Variants in WDR7 observed in about 807,000 individuals in gnomAD.
The protein encoded by WDR7 is WD repeat domain 7.
In WDR7, 46 loss-of-function variants were observed where a neutral mutation model predicts 169.4. The observed-to-expected ratio is 0.27, with a 90% CI of 0.21 to 0.35. The LOEUF is 0.35. Among genes scored for constraint, WDR7 ranks in the 10% least tolerant of loss-of-function variants. The probability of loss-of-function intolerance (pLI) is 1.00; values close to 1 mark genes in which losing one functional copy is unlikely to be tolerated. For missense variants in WDR7, 1,534 were observed against 1,859.3 expected, an observed-to-expected ratio of 0.83 and a Z score of 3.22; for synonymous variants, 612 against 666.8, an observed-to-expected ratio of 0.92 and a Z score of 1.27.
intron 21 of WDR7, among the ~76,000 whole-genome samples, chr18:56,904,115 G>C (rs1045951128): frequency 2.5e-4 from 38 of 151,754 alleles, no homozygotes; most frequent in Admixed American, 6.6e-4. Flanking sequence ...AGTTGCCCAG[G>C]ATGGAGTGCA....
intron 12 of WDR7, among the ~76,000 whole-genome samples, chr18:56,704,334 C>G (rs2025900514): frequency 6.7e-6 from 1 of 150,146 alleles, no homozygotes; most frequent in Non-Finnish European, 1.5e-5. Flanking sequence ...GCCAGGAGTT[C>G]AAGACCAGCC....
At chr18:56,750,455 C>T (rs1162746997) in intron 14 of WDR7, among the ~76,000 whole-genome samples, 1 of 152,154 alleles carries the variant, frequency 6.6e-6, no homozygotes, top group African/African-American at 2.4e-5. Flanking sequence ...TGGCTTTCTT[C>T]ATAAGGACAG....
intron 25 of WDR7, among the ~76,000 whole-genome samples, chr18:56,953,282 G>A (rs1283849703): frequency 1.3e-5 from 2 of 152,132 alleles, no homozygotes; most frequent in African/African-American, 2.4e-5. Flanking sequence ...AGAAACTTCA[G>A]TCATATTTAA....
At chr18:56,685,115 A>G (rs1433997684) in intron 5 of WDR7, among the ~76,000 whole-genome samples, 1 of 152,210 alleles carries the variant, frequency 6.6e-6, no homozygotes, top group Admixed American at 6.5e-5. Context: ...CTAGAGAACT[A>G]TGTGATATTG....
intron 19 of WDR7, among the ~76,000 whole-genome samples, chr18:56,802,923 G>A (rs1270322508): frequency 2.0e-5 from 3 of 149,910 alleles, no homozygotes; most frequent in African/African-American, 4.9e-5. Flanking sequence ...TTTTTTTTTC[G>A]AGAGGTGTTA....
chr18:56,793,792 A>G (rs117555841), intron 19 of WDR7, among the ~76,000 whole-genome samples: 1,939 of 152,338 alleles, frequency 0.013, 17 homozygotes, highest in East Asian at 0.031. Flanking sequence ...TTGGCCAGAA[A>G]ACATTTAAAT....
intron 5 of WDR7, 69 bp from the exon 6 acceptor site, chr18:56,685,887 A>G: frequency 1.6e-6 from 2 of 1,231,132 alleles, no homozygotes. Context: ...CAAGCAAAAC[A>G]TCTTAATATT....
intron 14 of WDR7, among the ~76,000 whole-genome samples, chr18:56,740,672 T>C (rs2043606227): frequency 6.6e-6 from 1 of 152,156 alleles, no homozygotes; most frequent in Non-Finnish European, 1.5e-5. Context: ...CTTCCAGGGC[T>C]TCCAACAGAG....
chr18:57,007,053 C>T (rs1023225443), intron 26 of WDR7, among the ~76,000 whole-genome samples: 2 of 151,164 alleles, frequency 1.3e-5, no homozygotes, highest in Non-Finnish European at 2.9e-5. Context: ...AATCTCAGCT[C>T]ACTGCAAGCT....
chr18:57,016,317 T>G (rs1373987085), intron 26 of WDR7, among the ~76,000 whole-genome samples: 1 of 152,226 alleles, frequency 6.6e-6, no homozygotes, highest in African/African-American at 2.4e-5. Context: ...GGGTCAGTAC[T>G]TTATGAATCT....
At chr18:56,674,736 C>T (rs1359056753) in intron 2 of WDR7, among the ~76,000 whole-genome samples, 2 of 151,936 alleles carry the variant, frequency 1.3e-5, no homozygotes, top group African/African-American at 4.8e-5. Flanking sequence ...TCTAAGAAAC[C>T]GTTGCTAAAT....
intron 26 of WDR7, among the ~76,000 whole-genome samples, chr18:57,007,041 C>T (rs1410459052): frequency 6.6e-6 from 1 of 150,954 alleles, no homozygotes; most frequent in South Asian, 2.1e-4. Flanking sequence ...GTGCAGTGGC[C>T]CAATCTCAGC....
At chr18:56,908,543 G>C (rs186012416) in intron 21 of WDR7, among the ~76,000 whole-genome samples, 2 of 152,132 alleles carry the variant, frequency 1.3e-5, no homozygotes, top group Non-Finnish European at 2.9e-5. Context: ...TTTCAAACAA[G>C]TATTGTATAT....
In WDR7 at chr18:56,864,653, T is replaced by C. The variant is rs548658765; in HGVS notation, c.3305-15291T>C. Among the ~76,000 whole-genome samples, 4 of 151,976 alleles carry C rather than the reference T, an allele frequency of 2.6e-5. No homozygotes were observed. In the South Asian group the frequency reaches 8.3e-4, roughly 32 times the overall value. ...CGGGTAATAGAAGATAAATATATCTTAATTTTGTCTCTCTACTTCATGATA... is the reference window on the plus strand; with the variant it reads ...CGGGTAATAGAAGATAAATATATCTCAATTTTGTCTCTCTACTTCATGATA... On this transcript the variant is annotated intron_variant, in intron 20 of 27. Transcript: ENST00000254442.
intron 20 of WDR7, among the ~76,000 whole-genome samples, chr18:56,871,817 T>C (rs940938201): frequency 6.6e-6 from 1 of 152,124 alleles, no homozygotes; most frequent in African/African-American, 2.4e-5. Flanking sequence ...ATGTTTATTT[T>C]ATAGTTTATG....
chr18:56,926,997 G>GC (rs2046817705), intron 22 of WDR7, among the ~76,000 whole-genome samples: 1 of 152,056 alleles, frequency 6.6e-6, no homozygotes, highest in Admixed American at 6.6e-5. Context: ...GTGCTCAGCC[G>GC]CCTTGCTTCT....
At chr18:57,031,892 A>G (rs1187281859), downstream of WDR7, 5 of 152,220 alleles carry the variant, frequency 3.3e-5, no homozygotes, top group Non-Finnish European at 5.9e-5. Flanking sequence ...TTTTTAGGAG[A>G]CAGGAGTCCT....
intron 26 of WDR7, among the ~76,000 whole-genome samples, chr18:56,985,230 T>C (rs2047697249): frequency 1.3e-5 from 2 of 152,178 alleles, no homozygotes; most frequent in Admixed American, 1.3e-4. Context: ...ATTTTTATTG[T>C]CTTAAAAAAG....
chr18:56,939,333 G>A lies in WDR7; in HGVS notation c.4004G>A (p.Cys1335Tyr). Residue 1335 changes from cysteine (C) to tyrosine (Y), a missense_variant, in exon 25 of 28, where the codon TGC becomes TAC. Cys to Tyr is a radical substitution (Grantham distance 194, BLOSUM62 -2). Coordinates refer to ENST00000254442, the MANE Select transcript of WDR7 (RefSeq NM_015285.3). ...LVEVMDIIMY[C>Y]LEGSLVKKKG... ...AAGGTTATGGACATCATTATGTACT[G>A]CCTTGAAGGATCTTTAGTTAAAAAG... is the stretch of plus-strand genomic sequence containing the variant. The A allele has an allele frequency of 6.3e-7, 1 of 1,582,422 alleles. No homozygotes were observed. Among genetic ancestry groups the A allele is most frequent in the Non-Finnish European group, 8.6e-7 (1 of 1,163,908 alleles).
Sources: allele counts gnomAD v4.1 joint callset (sites outside exome capture counted in the v4.1 genomes callset), GRCh38; gene constraint gnomAD v4.1.1; transcripts MANE v1.5; gene names NCBI Gene and HGNC (gene_info 2026-07-23, HGNC 2026-07-21).